Variants in IGSF11 observed in about 807,000 individuals in gnomAD.
The protein encoded by IGSF11 is immunoglobulin superfamily member 11, also known as CXADR like 1.
In IGSF11, 22 loss-of-function variants were observed where a neutral mutation model predicts 41.0. The ratio of observed to expected loss-of-function variants is 0.54; its 90% confidence interval spans 0.38 to 0.77. The LOEUF is 0.77. Ranked by LOEUF, IGSF11 falls within the 30% of genes least tolerant of loss-of-function variation. IGSF11 has a pLI of 0.00. For missense variants in IGSF11, 444 were observed against 530.8 expected (o/e 0.84, Z 1.61); for synonymous variants, 219 against 201.3 (o/e 1.09, Z -0.74).
chr3:119,092,349 G>GT (rs1311978903), intron 1 of IGSF11, among the ~76,000 whole-genome samples: 2 of 151,302 alleles, frequency 1.3e-5, no homozygotes, highest in Non-Finnish European at 2.9e-5. Flanking sequence ...TCTTTTTTTT[G>GT]TTTTTTAGAT....
At chr3:119,109,696 G>T (rs1479759575), upstream of IGSF11, among the ~76,000 whole-genome samples, 1 of 151,846 alleles carries the variant, frequency 6.6e-6, no homozygotes, top group Non-Finnish European at 1.5e-5. Context: ...TGTCAATTTT[G>T]GATCTTTCCT....
intron 1 of IGSF11, among the ~76,000 whole-genome samples, chr3:119,116,116 G>C (rs529963230): frequency 1.3e-5 from 2 of 152,286 alleles, no homozygotes; most frequent in Non-Finnish European, 2.9e-5. Flanking sequence ...GGTGTGTCTG[G>C]AAGGGTGTTT....
intron 1 of IGSF11, among the ~76,000 whole-genome samples, chr3:118,958,016 A>G (rs1945082248): frequency 6.6e-6 from 1 of 152,346 alleles, no homozygotes; most frequent in Middle Eastern, 3.4e-3. Context: ...CCCTCCTCAT[A>G]AAATCAAAGG....
intron 1 of IGSF11, among the ~76,000 whole-genome samples, chr3:118,969,533 T>C (rs373447673): frequency 5.3e-5 from 8 of 152,086 alleles, no homozygotes; most frequent in African/African-American, 9.7e-5. Flanking sequence ...CCAACAGCCA[T>C]GGTAGCTTCC....
intron 1 of IGSF11, among the ~76,000 whole-genome samples, chr3:119,073,527 G>A (rs1421860217): frequency 2.0e-5 from 3 of 152,228 alleles, no homozygotes; most frequent in Non-Finnish European, 4.4e-5. Context: ...ATGGTGGGCT[G>A]CAGGTCCCGA....
chr3:118,914,117 C>A (rs1179092505), intron 4 of IGSF11, among the ~76,000 whole-genome samples: 1 of 151,248 alleles, frequency 6.6e-6, no homozygotes, highest in African/African-American at 2.4e-5. Flanking sequence ...TAAGAATAAG[C>A]ACGAAGAGAA....
At chr3:118,958,647 C>A (rs745854556) in intron 1 of IGSF11, among the ~76,000 whole-genome samples, 1 of 152,106 alleles carries the variant, frequency 6.6e-6, no homozygotes, top group Non-Finnish European at 1.5e-5. Context: ...GTTTCCACCA[C>A]TAGAATGAAT....
At chr3:118,989,652 C>G (rs1369156749) in intron 1 of IGSF11, among the ~76,000 whole-genome samples, 1 of 152,146 alleles carries the variant, frequency 6.6e-6, no homozygotes, top group African/African-American at 2.4e-5. Flanking sequence ...CCACACCCAG[C>G]CCCTTTATAG....
chr3:118,958,381 A>C (rs1945106996), intron 1 of IGSF11, among the ~76,000 whole-genome samples: 2 of 152,222 alleles, frequency 1.3e-5, no homozygotes, highest in African/African-American at 2.4e-5. Flanking sequence ...TGAAAAGGAC[A>C]GGGAACATAG....
intron 1 of IGSF11, among the ~76,000 whole-genome samples, chr3:119,001,016 C>G (rs1208296685): frequency 1.3e-5 from 2 of 152,096 alleles, no homozygotes; most frequent in Admixed American, 6.6e-5. Flanking sequence ...GTTTCTCCAG[C>G]AGTGTTTTTG....
chr3:118,945,596 G>T (rs1050477840), intron 1 of IGSF11, among the ~76,000 whole-genome samples: 4 of 152,194 alleles, frequency 2.6e-5, no homozygotes, highest in Admixed American at 6.5e-5. Context: ...GGAAAGAATA[G>T]AGGAAGATAA....
At chr3:119,093,508 C>T (rs1291994917) in intron 1 of IGSF11, among the ~76,000 whole-genome samples, 2 of 151,956 alleles carry the variant, frequency 1.3e-5, no homozygotes, top group African/African-American at 2.4e-5. Flanking sequence ...CATTTTAGGA[C>T]GACAAATCTT....
chr3:118,970,149 C>T (rs1448985904), intron 1 of IGSF11, among the ~76,000 whole-genome samples: 1 of 152,212 alleles, frequency 6.6e-6, no homozygotes, highest in Admixed American at 6.5e-5. Flanking sequence ...ACAGAAATAA[C>T]TGATTCTAAT....
chr3:119,049,328 A>C (rs1349071945), intron 1 of IGSF11, among the ~76,000 whole-genome samples: 1 of 151,886 alleles, frequency 6.6e-6, no homozygotes, highest in Non-Finnish European at 1.5e-5. Flanking sequence ...ATGTGCAAAA[A>C]TCACAAGCAT....
intron 1 of IGSF11, among the ~76,000 whole-genome samples, chr3:119,139,706 C>T (rs1052186535): frequency 3.9e-5 from 6 of 152,140 alleles, no homozygotes; most frequent in African/African-American, 1.2e-4. Flanking sequence ...GAAAAATGGA[C>T]TAATATAGTA....
intron 1 of IGSF11, chr3:118,947,621 CA>C (rs1944256949): frequency 1.3e-5 from 2 of 152,126 alleles, no homozygotes; most frequent in Admixed American, 1.3e-4. Flanking sequence ...ATAAAAAACA[CA>C]CACCTCAAGC....
chr3:118,952,656 T>C (rs747347544), intron 1 of IGSF11, among the ~76,000 whole-genome samples: 1 of 152,122 alleles, frequency 6.6e-6, no homozygotes, highest in Non-Finnish European at 1.5e-5. Context: ...GATTGAGCAT[T>C]TGTCAAACTA....
At chr3:119,042,777 T>C (rs2107749392) in intron 1 of IGSF11, among the ~76,000 whole-genome samples, 1 of 152,252 alleles carries the variant, frequency 6.6e-6, no homozygotes, top group African/African-American at 2.4e-5. Context: ...CTGCCAAATG[T>C]AGGGCAAGAT....
chr3:119,050,279 C>T (rs1247984504), intron 1 of IGSF11, among the ~76,000 whole-genome samples: 1 of 151,132 alleles, frequency 6.6e-6, no homozygotes, highest in African/African-American at 2.4e-5. Context: ...CCAGAACCTA[C>T]AATGAACTCA....
Sources: gnomAD v4.1 joint callset for allele counts (sites outside exome capture counted in the v4.1 genomes callset) on GRCh38, gnomAD v4.1.1 for gene constraint, MANE v1.5 for transcripts, NCBI Gene and HGNC (gene_info 2026-07-23, HGNC 2026-07-21) for gene names.